Variants in SEL1L2 observed in about 807,000 individuals in gnomAD.
SEL1L2 encodes SEL1L2 adaptor subunit of SYVN1 ubiquitin ligase.
Under a neutral mutation model 98.8 loss-of-function variants are expected in SEL1L2, and 89 were observed. That is an observed-to-expected ratio of 0.90 (90% CI 0.76 to 1.07). The LOEUF is 1.07. SEL1L2 is among the 50% of genes least tolerant of loss of function. The pLI, the probability that SEL1L2 is intolerant of heterozygous loss-of-function variation, is 0.00. For synonymous variants in SEL1L2, 262 were observed against 278.5 expected (o/e 0.94, Z 0.59); for missense variants, 788 against 812.0 (o/e 0.97, Z 0.36).
chr20:13,945,957 C>T (rs1309920132), intron 2 of SEL1L2, among the ~76,000 whole-genome samples: 1 of 151,886 alleles, frequency 6.6e-6, no homozygotes, highest in African/African-American at 2.4e-5. Flanking sequence ...AAATAAAGAC[C>T]ATATATGAAG....
At chr20:13,894,258 A>T (rs576947408) in intron 5 of SEL1L2, among the ~76,000 whole-genome samples, 3 of 152,296 alleles carry the variant, frequency 2.0e-5, no homozygotes, top group South Asian at 4.1e-4. Flanking sequence ...TAGGTTTTTT[A>T]AAAATATCAA....
intron 2 of SEL1L2, among the ~76,000 whole-genome samples, chr20:13,953,364 C>T (rs1600898631): frequency 1.3e-5 from 2 of 152,284 alleles, no homozygotes; most frequent in East Asian, 3.9e-4. Context: ...CCCTTTCTGC[C>T]GGGTACCCTT....
intron 12 of SEL1L2, among the ~76,000 whole-genome samples, chr20:13,875,384 C>A (rs968931822): frequency 6.6e-6 from 1 of 152,182 alleles, no homozygotes; most frequent in South Asian, 2.1e-4. Flanking sequence ...GGATTACAAG[C>A]GTGAGCCACT....
At chr20:13,969,781 G>A (rs191408890) in intron 1 of SEL1L2, among the ~76,000 whole-genome samples, 1 of 152,106 alleles carries the variant, frequency 6.6e-6, no homozygotes, top group African/African-American at 2.4e-5. Context: ...TTCAACATTA[G>A]AGCCAGATGC....
At position 13,905,476 on chromosome 20, in the gene SEL1L2, A is replaced by G. The variant is rs531454330; in HGVS notation, c.549+8306T>C. ...CAGGCACCAACCACCATGCCCGGCT[A>G]ATTTTTTGGTGTATTTTTTAGTAGA... On this transcript the variant is annotated intron_variant, in intron 5 of 19. Transcript: ENST00000284951. Among the ~76,000 whole-genome samples, 23 of 151,740 alleles carry G rather than the reference A, an allele frequency of 1.5e-4. No homozygotes were observed. The East Asian group carries it at 4.5e-3, about 30-fold the overall frequency.
At chr20:13,949,564 G>A (rs1308928860) in intron 2 of SEL1L2, among the ~76,000 whole-genome samples, 2 of 152,196 alleles carry the variant, frequency 1.3e-5, no homozygotes, top group African/African-American at 2.4e-5. Context: ...TCGGGAGGCT[G>A]AGGCAGGAGA....
intron 5 of SEL1L2, among the ~76,000 whole-genome samples, chr20:13,912,230 C>G (rs905916294): frequency 1.6e-4 from 24 of 151,542 alleles, no homozygotes; most frequent in African/African-American, 5.6e-4. Context: ...CACCCATGGG[C>G]TTTGTCGCCA....
intron 3 of SEL1L2, among the ~76,000 whole-genome samples, chr20:13,920,236 A>G (rs2148237866): frequency 6.6e-6 from 1 of 151,546 alleles, no homozygotes; most frequent in Non-Finnish European, 1.5e-5. Context: ...CCAAAAAAAA[A>G]AAAAAAAAAA....
At position 13,931,686 on chromosome 20, in the gene SEL1L2, A is replaced by G. The variant is rs1323992078; in HGVS notation, c.200T>C (p.Leu67Pro). The change falls in exon 3 of 20, where the codon CTC becomes CCC. Residue 67 changes from leucine to proline, a missense_variant. Leu to Pro is a moderately conservative substitution (Grantham distance 98). Coordinates refer to ENST00000284951, the MANE Select transcript of SEL1L2 (RefSeq NM_025229.2). ...ACGTTGATTCTTCTTTTTCTCCAGG[A>G]GATTTTCTCTTTTATTGATTACATT... ...SSNVINKREN[L>P]LEKKKNQRKI... 1 of 1,555,738 alleles carries G rather than the reference A, an allele frequency of 6.4e-7. No individual in the cohort carries two copies. Among genetic ancestry groups the G allele is most frequent in the Non-Finnish European group, 8.7e-7 (1 of 1,147,810 alleles).
chr20:13,951,166 A>T (rs1326023618), intron 2 of SEL1L2, among the ~76,000 whole-genome samples: 1 of 149,678 alleles, frequency 6.7e-6, no homozygotes, highest in South Asian at 2.1e-4. Context: ...AGTCCCAGCT[A>T]CTCGGGAGGC....
chr20:13,934,987 A>C (rs1005717756), intron 2 of SEL1L2, among the ~76,000 whole-genome samples: 3 of 152,184 alleles, frequency 2.0e-5, no homozygotes, highest in Non-Finnish European at 4.4e-5. Context: ...GAATTATCAT[A>C]TGTTATTGCC....
chr20:13,878,529 T>A (rs1197119660), intron 10 of SEL1L2, among the ~76,000 whole-genome samples: 1 of 152,188 alleles, frequency 6.6e-6, no homozygotes, highest in Non-Finnish European at 1.5e-5. Context: ...CTTTAAAAAG[T>A]CTTGATCAGG....
intron 1 of SEL1L2, among the ~76,000 whole-genome samples, chr20:13,990,165 A>C (rs1419869991): frequency 1.3e-5 from 2 of 152,214 alleles, no homozygotes; most frequent in Non-Finnish European, 2.9e-5. Context: ...TTCTAAATTT[A>C]ATAACACTTA....
chr20:13,868,562 A>G (rs1228931133), intron 14 of SEL1L2, among the ~76,000 whole-genome samples: 3 of 150,460 alleles, frequency 2.0e-5, no homozygotes, highest in African/African-American at 7.3e-5. Flanking sequence ...CCTCACCCAC[A>G]GTCTCTGTAT....
intron 19 of SEL1L2, among the ~76,000 whole-genome samples, chr20:13,849,809 G>C (rs973257628): frequency 1.3e-5 from 2 of 152,118 alleles, no homozygotes; most frequent in East Asian, 3.9e-4. Flanking sequence ...CAAAGATTTA[G>C]ACACTTTACT....
intron 1 of SEL1L2, among the ~76,000 whole-genome samples, chr20:13,966,087 T>G (rs1377547471): frequency 6.6e-6 from 1 of 151,594 alleles, no homozygotes. Context: ...GTTGGGAAAA[T>G]GGTGCCGATA....
rs987150465 is a variant in SEL1L2 at position 13,952,025 on chromosome 20, A to C, written c.114+4051T>G. Among the ~76,000 whole-genome samples, 53 of 152,204 alleles carry C rather than the reference A, an allele frequency of 3.5e-4. 1 individual carries two copies. The highest frequency in any genetic ancestry group is 2.9e-5 in the Non-Finnish European group (2 of 68,044). On this transcript the variant is annotated intron_variant, in intron 2 of 19. Coordinates refer to ENST00000284951, the MANE Select transcript of SEL1L2 (RefSeq NM_025229.2). ...CAGAGGTTTCCTTTCTGGGAAAGGAAGACCAAGGGAGCTAACCAAAGCCAA... is the reference window on the plus strand; with the variant it reads ...CAGAGGTTTCCTTTCTGGGAAAGGACGACCAAGGGAGCTAACCAAAGCCAA...
chr20:13,913,852 A>T lies in SEL1L2; in HGVS notation c.479T>A (p.Val160Glu). 6.4e-7 allele frequency: 1 copy of T among 1,560,182 alleles called. No homozygotes were observed. The highest frequency in any genetic ancestry group is 2.1e-5 in the Admixed American group (1 of 47,566). The part of the protein sequence containing the change: ...ADALLFGNFG[V>E]QNITAAIQLY... Reference sequence around the variant, plus strand: ...TTGGATAGCTGCTGTTATATTTTGCACGCCAAAATTTCCAAATAGCAAAGC... The same window carrying T: ...TTGGATAGCTGCTGTTATATTTTGCTCGCCAAAATTTCCAAATAGCAAAGC... Residue 160 changes from valine (V) to glutamate (E), a missense_variant, in exon 5 of 20, where the codon GTG becomes GAG. Val to Glu is a moderately radical substitution (Grantham distance 121). Transcript: ENST00000284951.
At chr20:13,883,165 A>G (rs1386709493) in intron 10 of SEL1L2, among the ~76,000 whole-genome samples, 1 of 151,962 alleles carries the variant, frequency 6.6e-6, no homozygotes, top group Non-Finnish European at 1.5e-5. Context: ...TTCTCCATTC[A>G]AGTTCAGGGT....
Sources: allele counts gnomAD v4.1 joint callset (sites outside exome capture counted in the v4.1 genomes callset), GRCh38; gene constraint gnomAD v4.1.1; transcripts MANE v1.5; gene names NCBI Gene and HGNC (gene_info 2026-07-23, HGNC 2026-07-21).